PARD3B: variants seen among roughly 807,000 people sequenced by gnomAD.
PARD3B encodes the protein partitioning defective 3 homolog B.
In PARD3B, 103 loss-of-function variants were observed where a neutral mutation model predicts 130.2. That is an observed-to-expected ratio of 0.79 (90% CI 0.67 to 0.93). The LOEUF is 0.93. Ranked by LOEUF, PARD3B falls within the 40% of genes least tolerant of loss-of-function variation. PARD3B has a pLI of 0.00. For missense variants in PARD3B, 1,609 were observed against 1,499.2 expected (o/e 1.07, Z -1.21); for synonymous variants, 583 against 553.2 (o/e 1.05, Z -0.76).
intron 15 of PARD3B, among the ~76,000 whole-genome samples, chr2:205,226,768 A>G (rs1404242303): frequency 6.6e-6 from 1 of 152,132 alleles, no homozygotes; most frequent in African/African-American, 2.4e-5. Flanking sequence ...TTAGCTGTGT[A>G]GTATAATTTG....
chr2:204,821,038 A>G (rs746614175), intron 2 of PARD3B, among the ~76,000 whole-genome samples: 2 of 152,164 alleles, frequency 1.3e-5, no homozygotes, highest in Non-Finnish European at 2.9e-5. Context: ...AAATATTACT[A>G]TTCATTGACA....
At position 205,479,937 on chromosome 2, in the gene PARD3B, C is replaced by G. The variant is rs186723662; in HGVS notation, c.3045-19959C>G. ...TTTTTTTTTGAGATGGAGTCTTGCT[C>G]TGTCACCCAGCCTGGAGTGCACTGG... is the stretch of plus-strand genomic sequence containing the variant. On this transcript the variant is annotated intron_variant, in intron 20 of 22. Transcript: ENST00000406610. 4.6e-4 allele frequency among the ~76,000 whole-genome samples: 64 copies of G among 138,176 alleles called. No individual in the cohort carries two copies. In the East Asian group the frequency reaches 0.012, roughly 27 times the overall value. 90.6% of individuals were successfully genotyped at this position (138,176 alleles called of 152,430 possible).
At chr2:205,056,423 G>A (rs948930683) in intron 4 of PARD3B, among the ~76,000 whole-genome samples, 2 of 151,754 alleles carry the variant, frequency 1.3e-5, no homozygotes, top group Non-Finnish European at 2.9e-5. Context: ...AGTGTTTTAC[G>A]CTTGTGGAAA....
At chr2:204,614,359 A>C (rs941359912) in intron 1 of PARD3B, among the ~76,000 whole-genome samples, 1 of 152,130 alleles carries the variant, frequency 6.6e-6, no homozygotes. Flanking sequence ...TTATACTTAG[A>C]GTATATCTCA....
Position 205,321,918 on chromosome 2 carries a change from C to G in PARD3B, c.2630+20217C>G, listed in dbSNP as rs1219738140. Among the ~76,000 whole-genome samples, 1 of 152,158 alleles carries G rather than the reference C, an allele frequency of 6.6e-6. No homozygotes were observed. The highest frequency in any genetic ancestry group is 2.4e-5 in the African/African-American group (1 of 41,432). On this transcript the variant is annotated intron_variant, in intron 18 of 22. Transcript: ENST00000406610. This position sits in a 1 kb window ranked among gnomAD's most constrained non-coding sequence, Gnocchi z 4.2. Reference sequence around the variant, plus strand: ...TGCAAATATCCTTGTGATAAAGCGTCGGTAACCATTAAATTTGGTGCAGAG... The same window carrying G: ...TGCAAATATCCTTGTGATAAAGCGTGGGTAACCATTAAATTTGGTGCAGAG...
rs1194497591 is a variant in PARD3B at position 205,057,696 on chromosome 2, C to T, written c.504+10006C>T. 2.1e-4 allele frequency among the ~76,000 whole-genome samples: 29 copies of T among 138,622 alleles called. 7 individuals are homozygous for T. The highest frequency in any genetic ancestry group is 3.6e-4 in the Admixed American group (5 of 13,884). The allele number at this position is 138,622 out of a possible 152,430, so 90.9% of individuals were successfully genotyped here. A position where few individuals can be genotyped will look rare whatever the true frequency, so the allele number is the denominator to read the frequency against. ...ATGTGTATGTGTATACGTACATATA[C>T]ATATATGTGTATGTGTATACGTATA... On this transcript the variant is annotated intron_variant, in intron 4 of 22. Transcript: ENST00000406610.
intron 2 of PARD3B, among the ~76,000 whole-genome samples, chr2:204,910,183 ATAAG>A (rs1341570588): frequency 3.3e-5 from 5 of 152,228 alleles, no homozygotes; most frequent in Non-Finnish European, 7.3e-5. Flanking sequence ...CAGTTGGCAA[ATAAG>A]TAAGAGGTTA....
rs2034438747 is a variant in PARD3B, at chr2:205,160,383, C to T, written c.1620+1476C>T. On this transcript the variant is annotated intron_variant, in intron 11 of 22. Coordinates refer to ENST00000406610, the MANE Select transcript of PARD3B (RefSeq NM_001302769.2). The surrounding 1 kb of genome is among the most constrained non-coding windows in gnomAD (Gnocchi z 4.0). ...CTCCTTGGATCAGCAGGCTAGCTGG[C>T]GCATGTCCCTCTCATGCCTCGAGCT... Among the ~76,000 whole-genome samples, 1 of 152,130 alleles carries T rather than the reference C, an allele frequency of 6.6e-6. No individual in the cohort carries two copies. Among genetic ancestry groups the T allele is most frequent in the Admixed American group, 6.6e-5 (1 of 15,262 alleles).
Position 205,323,822 on chromosome 2 carries a change from A to T in PARD3B, c.2630+22121A>T, listed in dbSNP as rs567971742. Among the ~76,000 whole-genome samples the T allele has an allele frequency of 3.3e-5, 5 of 152,358 alleles. No homozygotes were observed. The East Asian group carries it at 9.6e-4, about 29-fold the overall frequency. ...TGGAGATAAGTGCAGTGTTATGTCT[A>T]CTGCAGAAGGGTGTTTATTAAAGAT... On this transcript the variant is annotated intron_variant, in intron 18 of 22. Coordinates refer to ENST00000406610, the MANE Select transcript of PARD3B (RefSeq NM_001302769.2).
At chr2:204,772,554 A>G (rs2041432591) in intron 2 of PARD3B, among the ~76,000 whole-genome samples, 1 of 152,134 alleles carries the variant, frequency 6.6e-6, no homozygotes. Context: ...AGTTTAATGT[A>G]AAGAAAGTAG....
At chr2:205,498,920 TA>T (rs984383953) in intron 20 of PARD3B, among the ~76,000 whole-genome samples, 1 of 152,188 alleles carries the variant, frequency 6.6e-6, no homozygotes, top group African/African-American at 2.4e-5. Flanking sequence ...TAATGGACTG[TA>T]GTCTTCTGTA....
rs2047921196 is a variant in PARD3B at position 205,446,776 on chromosome 2, C to T, written c.3044+6104C>T. 6.6e-6 allele frequency among the ~76,000 whole-genome samples: 1 copy of T among 152,180 alleles called. No individual in the cohort carries two copies. Among genetic ancestry groups the T allele is most frequent in the Non-Finnish European group, 1.5e-5 (1 of 68,032 alleles). On this transcript the variant is annotated intron_variant, in intron 20 of 22. Coordinates refer to ENST00000406610, the MANE Select transcript of PARD3B (RefSeq NM_001302769.2). This position sits in a 1 kb window ranked among gnomAD's most constrained non-coding sequence, Gnocchi z 4.4. ...ATTTGAACGTAGCATGGGTTAAATC[C>T]TGCCCTCAAAGCCTGACAATTACTC... is the stretch of plus-strand genomic sequence containing the variant.
At position 205,276,124 on chromosome 2, in the gene PARD3B, A is replaced by T. The variant is rs963288144; in HGVS notation, c.2186-24406A>T. ...AGGATTTCTGTTCCTGAAATTTGTA[A>T]TGTACACAGTGAATTAAATATGGCA... On this transcript the variant is annotated intron_variant, in intron 16 of 22. Transcript: ENST00000406610. This position sits in a 1 kb window ranked among gnomAD's most constrained non-coding sequence, Gnocchi z 5.0. Among the ~76,000 whole-genome samples the T allele has an allele frequency of 2.6e-5, 4 of 152,194 alleles. No individual in the cohort carries two copies. The highest frequency in any genetic ancestry group is 5.9e-5 in the Non-Finnish European group (4 of 68,036).
At chr2:205,099,075 ACACAATCTCCT>A (rs1702581338) in intron 4 of PARD3B, among the ~76,000 whole-genome samples, 1 of 152,210 alleles carries the variant, frequency 6.6e-6, no homozygotes, top group Non-Finnish European at 1.5e-5. Context: ...AGTTGGCAGG[ACACAATCTCCT>A]GCTGAACTTT....
chr2:205,582,855 G>A (rs971635066), intron 22 of PARD3B, among the ~76,000 whole-genome samples: 5 of 152,094 alleles, frequency 3.3e-5, no homozygotes, highest in African/African-American at 1.2e-4. Context: ...AAAAAGAAGG[G>A]ATGAGGAAGA....
rs1405249174 is a variant in PARD3B at position 205,300,062 on chromosome 2, G to A, written c.2186-468G>A. ...ATGGCAATGATAAAAGCTGTCAGGTGTGGGAGTGCTAGGACGATACTGGAA... is the reference window on the plus strand; with the variant it reads ...ATGGCAATGATAAAAGCTGTCAGGTATGGGAGTGCTAGGACGATACTGGAA... On this transcript the variant is annotated intron_variant, in intron 16 of 22. Coordinates refer to ENST00000406610, the MANE Select transcript of PARD3B (RefSeq NM_001302769.2). The surrounding 1 kb of genome is among the most constrained non-coding windows in gnomAD (Gnocchi z 4.1). Among the ~76,000 whole-genome samples the A allele has an allele frequency of 6.6e-6, 1 of 152,140 alleles. No homozygotes were observed. Among genetic ancestry groups the A allele is most frequent in the Non-Finnish European group, 1.5e-5 (1 of 68,024 alleles).
In PARD3B at chr2:205,301,762, C is replaced by G. The variant is rs765531281; in HGVS notation, c.2630+61C>G. The G allele has an allele frequency of 1.9e-6, 3 of 1,613,850 alleles. No individual in the cohort carries two copies. Among genetic ancestry groups the G allele is most frequent in the Non-Finnish European group, 1.7e-6 (2 of 1,179,768 alleles). On this transcript the variant is annotated intron_variant, in intron 18 of 22. Coordinates refer to ENST00000406610, the MANE Select transcript of PARD3B (RefSeq NM_001302769.2). This position sits in a 1 kb window ranked among gnomAD's most constrained non-coding sequence, Gnocchi z 5.2. ...TTTTGTCTCTCCTGGTAAAATCACT[C>G]CTTTGTCTGTACTCAGAAAAAAGCG...
intron 15 of PARD3B, among the ~76,000 whole-genome samples, chr2:205,226,363 G>T (rs1330221778): frequency 6.6e-6 from 1 of 152,140 alleles, no homozygotes; most frequent in Non-Finnish European, 1.5e-5. Flanking sequence ...AATTTGATGT[G>T]ATCCCATTTG....
chr2:204,771,706 A>G (rs563237245), intron 2 of PARD3B, among the ~76,000 whole-genome samples: 33 of 152,258 alleles, frequency 2.2e-4, no homozygotes, highest in African/African-American at 7.5e-4. Context: ...TTTTTATTTA[A>G]AGAGACACTT....
Sources: gnomAD v4.1 joint callset for allele counts (sites outside exome capture counted in the v4.1 genomes callset) on GRCh38, gnomAD v4.1.1 for gene constraint, Gnocchi (gnomAD v3.1) non-coding constraint, MANE v1.5 for transcripts, NCBI Gene and HGNC (gene_info 2026-07-23, HGNC 2026-07-21) for gene names.